LMX1A: variants seen among roughly 807,000 people sequenced by gnomAD.
LMX1A encodes LIM homeobox transcription factor 1 alpha, also known as LIM homeobox transcription factor 1-alpha.
Under a neutral mutation model 49.1 loss-of-function variants are expected in LMX1A, and 15 were observed. The observed-to-expected ratio is 0.31, with a 90% CI of 0.20 to 0.47. The LOEUF (loss-of-function observed/expected upper bound fraction) is 0.47. Ranked by LOEUF, LMX1A falls within the 20% of genes least tolerant of loss-of-function variation. The probability of loss-of-function intolerance (pLI) is 1.00; values close to 1 mark genes in which losing one functional copy is unlikely to be tolerated. For missense variants in LMX1A, 372 were observed against 475.8 expected (o/e 0.78, Z 2.03); for synonymous variants, 167 against 185.7 (o/e 0.90, Z 0.82).
At chr1:165,241,866 G>A (rs1196338403) in intron 4 of LMX1A, among the ~76,000 whole-genome samples, 1 of 152,186 alleles carries the variant, frequency 6.6e-6, no homozygotes, top group Non-Finnish European at 1.5e-5. Flanking sequence ...TACGAGCAGT[G>A]GAGAGCATGG....
chr1:165,211,817 A>T (rs1302553197), intron 5 of LMX1A, among the ~76,000 whole-genome samples: 1 of 152,088 alleles, frequency 6.6e-6, no homozygotes, highest in Non-Finnish European at 1.5e-5. Flanking sequence ...GATTGCCCAG[A>T]CCAAAGTGAC....
chr1:165,289,709 T>G (rs1654405813), intron 3 of LMX1A, among the ~76,000 whole-genome samples: 1 of 152,220 alleles, frequency 6.6e-6, no homozygotes. Context: ...GATTGGCTGC[T>G]CCAAGATAGC....
intron 4 of LMX1A, among the ~76,000 whole-genome samples, chr1:165,225,049 A>G (rs562021501): frequency 2.7e-4 from 41 of 152,348 alleles, no homozygotes; most frequent in African/African-American, 9.6e-4. Flanking sequence ...GAAGAAAATA[A>G]AATGGAAACA....
intron 3 of LMX1A, among the ~76,000 whole-genome samples, chr1:165,264,769 C>T (rs796496880): frequency 6.6e-6 from 1 of 151,894 alleles, no homozygotes; most frequent in East Asian, 1.9e-4. Context: ...CCAGCCTGGG[C>T]AACTTGGGGA....
intron 3 of LMX1A, among the ~76,000 whole-genome samples, chr1:165,342,015 C>T (rs1428958249): frequency 2.0e-5 from 3 of 152,220 alleles, no homozygotes; most frequent in Non-Finnish European, 4.4e-5. Flanking sequence ...TACCAGTTTA[C>T]AAACATTAAA....
At chr1:165,255,482 C>A (rs1259456420) in intron 3 of LMX1A, among the ~76,000 whole-genome samples, 2 of 152,206 alleles carry the variant, frequency 1.3e-5, no homozygotes, top group Non-Finnish European at 2.9e-5. Flanking sequence ...GGGAGAACAC[C>A]ACTTCATCAC....
chr1:165,280,062 C>T (rs1028909051), intron 3 of LMX1A, among the ~76,000 whole-genome samples: 7 of 152,208 alleles, frequency 4.6e-5, no homozygotes, highest in African/African-American at 1.2e-4. Flanking sequence ...GGCTTCACAC[C>T]GAGCAGGCTG....
At chr1:165,333,567 T>C (rs2101754680) in intron 3 of LMX1A, among the ~76,000 whole-genome samples, 1 of 152,208 alleles carries the variant, frequency 6.6e-6, no homozygotes, top group East Asian at 1.9e-4. Context: ...CACTTTTAAA[T>C]TTGAATTTAA....
At chr1:165,345,836 C>T (rs1462709553) in intron 3 of LMX1A, among the ~76,000 whole-genome samples, 1 of 152,124 alleles carries the variant, frequency 6.6e-6, no homozygotes, top group East Asian at 1.9e-4. Context: ...TCAGGACCAG[C>T]CGGAGCAACA....
At position 165,288,200 on chromosome 1, in the gene LMX1A, G is replaced by A. The variant is rs564749614; in HGVS notation, c.264-38560C>T. On this transcript the variant is annotated intron_variant, in intron 3 of 8. Transcript: ENST00000342310. ...TAACAGGGATGGACAGCTCTCCTGGGTTGGGCCTGCTTGGATGAGGAAGTG... is the reference window on the plus strand; with the variant it reads ...TAACAGGGATGGACAGCTCTCCTGGATTGGGCCTGCTTGGATGAGGAAGTG... Among the ~76,000 whole-genome samples, 93 of 152,188 alleles carry A rather than the reference G, an allele frequency of 6.1e-4. 1 individual carries two copies. Among genetic ancestry groups the A allele is most frequent in the Non-Finnish European group, 1.1e-3 (72 of 68,034 alleles).
At chr1:165,352,980 G>C in intron 3 of LMX1A, 96 bp downstream of exon 3, 2 of 1,269,326 alleles carry the variant, frequency 1.6e-6, no homozygotes, top group South Asian at 2.7e-5. Flanking sequence ...GTGTCTCTTG[G>C]GCCTTCCAGA....
intron 4 of LMX1A, among the ~76,000 whole-genome samples, chr1:165,228,451 ACTCT>A (rs1328955428): frequency 1.3e-5 from 2 of 152,096 alleles, no homozygotes; most frequent in African/African-American, 4.8e-5. Flanking sequence ...TCTGTATTAA[ACTCT>A]CTCTGTTCTA....
chr1:165,337,356 C>A (rs1276420089), intron 3 of LMX1A, among the ~76,000 whole-genome samples: 1 of 152,094 alleles, frequency 6.6e-6, no homozygotes, highest in African/African-American at 2.4e-5. Flanking sequence ...AGCAACTATG[C>A]ATGAAAAATG....
chr1:165,277,707 C>A (rs1040117142), intron 3 of LMX1A, among the ~76,000 whole-genome samples: 1 of 152,278 alleles, frequency 6.6e-6, no homozygotes, highest in South Asian at 2.1e-4. Flanking sequence ...TGAGTGTACT[C>A]CAGCCTCAAC....
chr1:165,315,440 T>C (rs1170618404), intron 3 of LMX1A, among the ~76,000 whole-genome samples: 1 of 152,248 alleles, frequency 6.6e-6, no homozygotes, highest in East Asian at 1.9e-4. Flanking sequence ...ATCTTAACTA[T>C]AGCTTTGTAC....
intron 3 of LMX1A, among the ~76,000 whole-genome samples, chr1:165,275,370 C>T (rs914693811): frequency 6.6e-6 from 1 of 152,356 alleles, no homozygotes; most frequent in Middle Eastern, 3.4e-3. Flanking sequence ...AAGCAGCAGT[C>T]TGGGCTTTGT....
chr1:165,341,667 C>G (rs41347247), intron 3 of LMX1A, among the ~76,000 whole-genome samples: 2,248 of 151,540 alleles, frequency 0.015, 56 homozygotes, highest in African/African-American at 0.052. Flanking sequence ...AATACAGAAC[C>G]AAGGAATTTA....
intron 3 of LMX1A, among the ~76,000 whole-genome samples, chr1:165,350,893 C>A (rs1225217220): frequency 6.6e-6 from 1 of 152,174 alleles, no homozygotes; most frequent in East Asian, 1.9e-4. Context: ...AGCTCACATC[C>A]CTCTGTAAAA....
intron 4 of LMX1A, among the ~76,000 whole-genome samples, chr1:165,247,449 A>G (rs898413670): frequency 6.6e-6 from 1 of 152,158 alleles, no homozygotes; most frequent in African/African-American, 2.4e-5. Context: ...ACCCATTAGA[A>G]TGGGCCCAAC....
Sources: gnomAD v4.1 joint callset for allele counts (sites outside exome capture counted in the v4.1 genomes callset) on GRCh38, gnomAD v4.1.1 for gene constraint, MANE v1.5 for transcripts, NCBI Gene and HGNC (gene_info 2026-07-23, HGNC 2026-07-21) for gene names.